Variants in C12orf42 observed in about 807,000 individuals in gnomAD.
C12orf42 encodes chromosome 12 open reading frame 42.
Under a neutral mutation model 21.6 loss-of-function variants are expected in C12orf42, and 25 were observed. That is an observed-to-expected ratio of 1.16 (90% CI 0.84 to 1.62). C12orf42 has a LOEUF of 1.62. Ranked by LOEUF, C12orf42 falls within the 40% of genes most tolerant of loss-of-function variation. The pLI is 0.00. For synonymous variants in C12orf42, 174 were observed against 175.0 expected, an observed-to-expected ratio of 0.99 and a Z score of 0.05; for missense variants, 483 against 459.3, an observed-to-expected ratio of 1.05 and a Z score of -0.47.
intron 2 of C12orf42, among the ~76,000 whole-genome samples, chr12:103,468,889 C>A (rs1327564584): frequency 7.2e-5 from 11 of 152,182 alleles, no homozygotes; most frequent in Admixed American, 4.6e-4. Context: ...ACAGCATTTT[C>A]ATGGTAATTT....
chr12:103,247,030 A>C (rs1231775544), intron 10 of C12orf42, among the ~76,000 whole-genome samples: 1 of 151,890 alleles, frequency 6.6e-6, no homozygotes. Flanking sequence ...TATTTTTATA[A>C]AGCTATGTTT....
intron 3 of C12orf42, among the ~76,000 whole-genome samples, chr12:103,390,854 G>A (rs996670427): frequency 1.3e-5 from 2 of 152,146 alleles, no homozygotes; most frequent in African/African-American, 4.8e-5. Context: ...AAACAATTTA[G>A]ATGATGCCCA....
At chr12:103,209,121 G>A in the C12orf42 span, among the ~76,000 whole-genome samples, 2 of 152,100 alleles carry the variant, frequency 1.3e-5, no homozygotes, top group African/African-American at 2.4e-5. Context: ...GTTTGGGAGT[G>A]AGGTGTTACC....
the C12orf42 span, among the ~76,000 whole-genome samples, chr12:103,542,470 T>C: frequency 2.0e-5 from 3 of 152,252 alleles, no homozygotes; most frequent in African/African-American, 7.2e-5. Flanking sequence ...TTCAAGGCTT[T>C]TAAAGACAGA....
At chr12:103,286,064 C>T (rs998539906) in intron 4 of C12orf42, among the ~76,000 whole-genome samples, 1 of 151,858 alleles carries the variant, frequency 6.6e-6, no homozygotes, top group Non-Finnish European at 1.5e-5. Flanking sequence ...CTTGCTAACA[C>T]GGTGAAACAT....
chr12:103,416,173 A>G lies in C12orf42; in HGVS notation c.79-14498T>C, dbSNP rs1474174978. ...TTAATCAAACTTTATGTCATTCTGT[A>G]GGGGTATGCACATTTTCATAAAATA... On this transcript the variant is annotated intron_variant, in intron 2 of 5. Coordinates refer to ENST00000548883, the MANE Select transcript of C12orf42 (RefSeq NM_198521.5). 5.9e-5 allele frequency among the ~76,000 whole-genome samples: 9 copies of G among 151,876 alleles called. No individual in the cohort carries two copies. The East Asian group carries it at 1.4e-3, about 23-fold the overall frequency.
At chr12:103,089,551 T>C in the C12orf42 span, among the ~76,000 whole-genome samples, 1 of 33,446 alleles carries the variant, frequency 3.0e-5, no homozygotes, top group East Asian at 4.1e-3. Context: ...AACAATATAT[T>C]TTTCTTAGTG....
At chr12:103,254,160 G>A (rs184479642) in intron 10 of C12orf42, among the ~76,000 whole-genome samples, 1 of 152,204 alleles carries the variant, frequency 6.6e-6, no homozygotes, top group Non-Finnish European at 1.5e-5. Context: ...TGTATAAGGT[G>A]TAAGAAATGA....
the C12orf42 span, among the ~76,000 whole-genome samples, chr12:103,084,586 G>A: frequency 6.6e-6 from 1 of 152,174 alleles, no homozygotes; most frequent in Non-Finnish European, 1.5e-5. Context: ...ATCTCCACAT[G>A]GCAGGCAAGA....
At chr12:103,423,312 G>C (rs1447172306) in intron 2 of C12orf42, among the ~76,000 whole-genome samples, 1 of 152,188 alleles carries the variant, frequency 6.6e-6, no homozygotes, top group African/African-American at 2.4e-5. Flanking sequence ...GAGACATCTG[G>C]ATAGAGCCCT....
intron 4 of C12orf42, among the ~76,000 whole-genome samples, chr12:103,291,722 G>C (rs1417678738): frequency 2.6e-5 from 4 of 152,240 alleles, no homozygotes; most frequent in Non-Finnish European, 5.9e-5. Flanking sequence ...GGCACCAGTG[G>C]AAGTGTCTTT....
At chr12:103,444,710 T>C (rs903071586) in intron 2 of C12orf42, among the ~76,000 whole-genome samples, 1 of 152,110 alleles carries the variant, frequency 6.6e-6, no homozygotes, top group African/African-American at 2.4e-5. Flanking sequence ...ATTGTACATA[T>C]ACTTGCACAA....
intron 10 of C12orf42, among the ~76,000 whole-genome samples, chr12:103,245,990 T>C (rs1284249194): frequency 6.6e-6 from 1 of 151,970 alleles, no homozygotes; most frequent in Non-Finnish European, 1.5e-5. Context: ...CATCCAGGGG[T>C]GACAGATGTG....
At chr12:103,188,720 C>T in the C12orf42 span, among the ~76,000 whole-genome samples, 10 of 152,180 alleles carry the variant, frequency 6.6e-5, no homozygotes, top group Non-Finnish European at 1.5e-4. Context: ...CCTCTCTTGT[C>T]ATATGATACT....
chr12:103,495,714 C>G (rs1489639170), intron 1 of C12orf42, 188 bp downstream of exon 1: 1 of 152,020 alleles, frequency 6.6e-6, no homozygotes, highest in Non-Finnish European at 1.5e-5. Context: ...TGCCCCGAGA[C>G]GGGTCGACCC....
chr12:103,493,612 A>G (rs1034430823), intron 1 of C12orf42, among the ~76,000 whole-genome samples: 2 of 151,672 alleles, frequency 1.3e-5, no homozygotes, highest in African/African-American at 4.8e-5. Flanking sequence ...CTCAACTTGT[A>G]GCTCTTTATT....
At chr12:103,074,793 T>C in the C12orf42 span, among the ~76,000 whole-genome samples, 1 of 152,136 alleles carries the variant, frequency 6.6e-6, no homozygotes, top group Non-Finnish European at 1.5e-5. Flanking sequence ...TTGAGATAGA[T>C]TGAACATTCA....
chr12:103,258,017 C>G (rs2034698471), intron 10 of C12orf42, among the ~76,000 whole-genome samples: 1 of 152,026 alleles, frequency 6.6e-6, no homozygotes, highest in African/African-American at 2.4e-5. Context: ...AGACTTTTAA[C>G]AGCAACACGT....
chr12:103,110,878 T>A, the C12orf42 span, among the ~76,000 whole-genome samples: 2 of 152,210 alleles, frequency 1.3e-5, no homozygotes, highest in African/African-American at 4.8e-5. Context: ...TAGTCATCTA[T>A]AGTAAATATG....
Sources: allele counts gnomAD v4.1 joint callset (sites outside exome capture counted in the v4.1 genomes callset), GRCh38; gene constraint gnomAD v4.1.1; transcripts MANE v1.5; gene names NCBI Gene and HGNC (gene_info 2026-07-23, HGNC 2026-07-21).